Variants in SPOCK1 observed in about 807,000 individuals in gnomAD.
The protein encoded by SPOCK1 is testican-1.
Under a neutral mutation model 55.3 loss-of-function variants are expected in SPOCK1, and 23 were observed. The ratio of observed to expected loss-of-function variants is 0.42; its 90% CI spans 0.30 to 0.59. SPOCK1 has a LOEUF of 0.59. SPOCK1 is among the 20% of genes least tolerant of loss of function. SPOCK1 has a pLI of 0.22. For missense variants in SPOCK1, 499 were observed against 552.5 expected (o/e 0.90, Z 0.97); for synonymous variants, 226 against 221.0 (o/e 1.02, Z -0.20).
chr5:137,449,167 A>G (rs986618115), intron 2 of SPOCK1, among the ~76,000 whole-genome samples: 3 of 152,220 alleles, frequency 2.0e-5, no homozygotes, highest in Non-Finnish European at 2.9e-5. Context: ...GCTGGTCACA[A>G]TCGCAAAGTA....
chr5:137,086,310 A>C (rs1451259993), intron 5 of SPOCK1, among the ~76,000 whole-genome samples: 1 of 152,176 alleles, frequency 6.6e-6, no homozygotes, highest in Non-Finnish European at 1.5e-5. Context: ...TCCACGTTCC[A>C]GTTCCCAGCT....
At chr5:137,402,645 C>T (rs995309151) in intron 2 of SPOCK1, among the ~76,000 whole-genome samples, 2 of 152,190 alleles carry the variant, frequency 1.3e-5, no homozygotes, top group Non-Finnish European at 2.9e-5. Flanking sequence ...CCCGCCTTCC[C>T]AGAAGGGATA....
intron 2 of SPOCK1, among the ~76,000 whole-genome samples, chr5:137,406,649 T>C (rs916392283): frequency 6.6e-6 from 1 of 152,216 alleles, no homozygotes; most frequent in Non-Finnish European, 1.5e-5. Context: ...AATGCACACA[T>C]TTTTCCATTT....
chr5:137,152,531 T>C (rs370476722), intron 3 of SPOCK1, among the ~76,000 whole-genome samples: 2 of 152,202 alleles, frequency 1.3e-5, no homozygotes, highest in African/African-American at 2.4e-5. Context: ...TTTTGTTCTA[T>C]AGCAATAAAT....
rs549883224 is a variant in SPOCK1 at position 137,297,967 on chromosome 5, G to A, written c.187-30912C>T. On this transcript the variant is annotated intron_variant, in intron 2 of 10. Coordinates refer to ENST00000394945, the MANE Select transcript of SPOCK1 (RefSeq NM_004598.4). ...GACCATACAAACATGATTCAAAGGC[G>A]GTATTTTACTGTGGCCCAGAGAAGT... 4.6e-5 allele frequency among the ~76,000 whole-genome samples: 7 copies of A among 152,190 alleles called. No individual in the cohort carries two copies. The South Asian group carries it at 6.2e-4, about 14-fold the overall frequency.
chr5:137,023,517 A>C (rs1228686054), intron 6 of SPOCK1, among the ~76,000 whole-genome samples: 1 of 152,182 alleles, frequency 6.6e-6, no homozygotes, highest in Non-Finnish European at 1.5e-5. Flanking sequence ...CTGTACTTCT[A>C]AAATCTGAAA....
In SPOCK1 at chr5:137,496,271, T is replaced by C. The variant is rs572676061; in HGVS notation, c.186+2102A>G. ...AGGTGAGCTTCATCCTCAGTCAGGT[T>C]TGGAAACACACTGTTCCAAAGATCT... On this transcript the variant is annotated intron_variant, in intron 2 of 10. Coordinates refer to ENST00000394945, the MANE Select transcript of SPOCK1 (RefSeq NM_004598.4). Among the ~76,000 whole-genome samples, 4 of 152,278 alleles carry C rather than the reference T, an allele frequency of 2.6e-5. No individual in the cohort carries two copies. In the South Asian group the frequency reaches 8.3e-4, roughly 32 times the overall value.
At chr5:137,258,780 C>T (rs1756687994) in intron 3 of SPOCK1, among the ~76,000 whole-genome samples, 1 of 152,140 alleles carries the variant, frequency 6.6e-6, no homozygotes, top group Non-Finnish European at 1.5e-5. Context: ...CTCTTAAACA[C>T]AGTATTAGAA....
In SPOCK1 at chr5:136,988,626, G is replaced by T; in HGVS notation, c.724C>A (p.Leu242Met). The change falls in exon 8 of 11, where the codon CTG (leucine) becomes ATG (methionine). Residue 242 changes from leucine to methionine, a missense_variant. Physicochemically the swap from Leu to Met is conservative, Grantham distance 15 (BLOSUM62 2). Transcript: ENST00000394945. ...CCCAGGGAGTCCTTGCAGATGGGCA[G>T]GATGCTAGTGTCAAACCCTGCCAAA... ...TAQGRFDTSI[L>M]PICKDSLGWM... 6.2e-7 allele frequency: 1 copy of T among 1,613,030 alleles called. No homozygotes were observed. The highest frequency in any genetic ancestry group is 8.5e-7 in the Non-Finnish European group (1 of 1,179,388).
intron 3 of SPOCK1, among the ~76,000 whole-genome samples, chr5:137,159,561 G>C (rs886376362): frequency 6.8e-6 from 1 of 147,222 alleles, no homozygotes; most frequent in African/African-American, 2.5e-5. Context: ...CCATAGCTTA[G>C]CTCCCACTTA....
At chr5:137,353,501 C>T (rs1750726318) in intron 2 of SPOCK1, among the ~76,000 whole-genome samples, 1 of 152,190 alleles carries the variant, frequency 6.6e-6, no homozygotes, top group African/African-American at 2.4e-5. Context: ...TGACCCCACA[C>T]CTGCCACCAC....
At chr5:137,225,894 G>A (rs1755936404) in intron 3 of SPOCK1, among the ~76,000 whole-genome samples, 1 of 152,222 alleles carries the variant, frequency 6.6e-6, no homozygotes. Flanking sequence ...AGAACCAAAA[G>A]AAGTCTAGCC....
intron 2 of SPOCK1, among the ~76,000 whole-genome samples, chr5:137,437,327 G>C (rs1447786914): frequency 1.3e-5 from 2 of 152,268 alleles, no homozygotes; most frequent in East Asian, 3.9e-4. Context: ...CCCTGTAGAG[G>C]AGCACAGAGG....
chr5:137,196,900 C>T (rs1009436786), intron 3 of SPOCK1, among the ~76,000 whole-genome samples: 1 of 152,178 alleles, frequency 6.6e-6, no homozygotes, highest in Non-Finnish European at 1.5e-5. Context: ...AAAGGGCTTG[C>T]AATAGCTGGT....
intron 2 of SPOCK1, among the ~76,000 whole-genome samples, chr5:137,460,074 G>A (rs1214297736): frequency 6.6e-6 from 1 of 152,134 alleles, no homozygotes. Flanking sequence ...AATGGTAAAG[G>A]GCCTTGAAAT....
At chr5:137,265,090 GA>G (rs1384750946) in intron 3 of SPOCK1, among the ~76,000 whole-genome samples, 1 of 152,154 alleles carries the variant, frequency 6.6e-6, no homozygotes, top group Non-Finnish European at 1.5e-5. Flanking sequence ...TCCTAGGAGA[GA>G]AAAATCCTCG....
At chr5:137,107,380 G>A (rs185992310) in intron 5 of SPOCK1, among the ~76,000 whole-genome samples, 14 of 152,216 alleles carry the variant, frequency 9.2e-5, no homozygotes, top group Admixed American at 7.8e-4. Context: ...TTACTACGGC[G>A]ATCCTTACTG....
intron 6 of SPOCK1, among the ~76,000 whole-genome samples, chr5:137,067,066 A>C (rs1203562962): frequency 2.0e-5 from 3 of 152,036 alleles, no homozygotes; most frequent in Admixed American, 2.0e-4. Context: ...AATTCCACAG[A>C]AGGCAAATTC....
intron 2 of SPOCK1, among the ~76,000 whole-genome samples, chr5:137,315,469 T>C (rs1207649585): frequency 6.6e-6 from 1 of 152,170 alleles, no homozygotes; most frequent in Non-Finnish European, 1.5e-5. Flanking sequence ...CCATCTCCAC[T>C]TTGATACATG....
Sources: gnomAD v4.1 joint callset for allele counts (sites outside exome capture counted in the v4.1 genomes callset) on GRCh38, gnomAD v4.1.1 for gene constraint, MANE v1.5 for transcripts, NCBI Gene and HGNC (gene_info 2026-07-23, HGNC 2026-07-21) for gene names.